PKHD1L1: variants seen among roughly 807,000 people sequenced by gnomAD.
PKHD1L1 encodes the protein PKHD1 like 1, also known as fibrocystin-L.
Under a neutral mutation model 462.9 loss-of-function variants are expected in PKHD1L1, and 434 were observed. The observed-to-expected ratio is 0.94, with a 90% CI of 0.87 to 1.02. The LOEUF (loss-of-function observed/expected upper bound fraction) is 1.02. Ranked by LOEUF, PKHD1L1 falls within the 50% of genes least tolerant of loss-of-function variation. The pLI is 0.00. For synonymous variants in PKHD1L1, 1,781 were observed against 1,750.0 expected, an observed-to-expected ratio of 1.02 and a Z score of -0.44; for missense variants, 5,202 against 5,096.1, an observed-to-expected ratio of 1.02 and a Z score of -0.63.
chr8:109,385,864 G>A (rs1189911843), intron 6 of PKHD1L1, among the ~76,000 whole-genome samples: 5 of 152,090 alleles, frequency 3.3e-5, no homozygotes, highest in Admixed American at 2.6e-4. Flanking sequence ...ATTGTTTTGT[G>A]ATGGATTTAT....
In PKHD1L1 at chr8:109,464,570, A is replaced by C; in HGVS notation, c.7738A>C (p.Thr2580Pro). 6.2e-7 allele frequency: 1 copy of C among 1,613,430 alleles called. No individual in the cohort carries two copies. The highest frequency in any genetic ancestry group is 2.2e-5 in the East Asian group (1 of 44,864). ...TIRHNAVAGG[T>P]HFGFWYRMNN... ...ACGACACAATGCTGTTGCTGGTGGC[A>C]CTCACTTTGGCTTTTGGTACCGGAT... Residue 2580 changes from threonine (T) to proline (P), a missense_variant, in exon 49 of 78, where the codon ACT becomes CCT. Transcript: ENST00000378402.
intron 69 of PKHD1L1, 58 bp from the exon 70 acceptor site, chr8:109,508,039 G>T (rs1266240905): frequency 2.0e-6 from 3 of 1,518,734 alleles, no homozygotes; most frequent in South Asian, 1.3e-5. Context: ...ATGTTATAAG[G>T]ATTTTTTTGC....
At chr8:109,420,450 T>C in intron 22 of PKHD1L1, 68 bp from the exon 23 acceptor site, 3 of 1,039,208 alleles carry the variant, frequency 2.9e-6, no homozygotes, top group African/African-American at 1.7e-5. Context: ...CTCTATTAGG[T>C]TAATTTTACA....
intron 68 of PKHD1L1, among the ~76,000 whole-genome samples, chr8:109,504,843 C>T (rs1214524858): frequency 2.6e-5 from 4 of 152,092 alleles, no homozygotes; most frequent in Non-Finnish European, 5.9e-5. Flanking sequence ...GTTCTAGCTA[C>T]TCAGGAGGTT....
chr8:109,387,782 T>C (rs1812511491), intron 6 of PKHD1L1, among the ~76,000 whole-genome samples: 1 of 152,200 alleles, frequency 6.6e-6, no homozygotes, highest in Non-Finnish European at 1.5e-5. Context: ...TTTTTTATAG[T>C]TCAAGTTTGT....
chr8:109,452,615 TA>T, intron 42 of PKHD1L1, 102 bp from the exon 43 acceptor site: 5 of 553,584 alleles, frequency 9.0e-6, no homozygotes, highest in Non-Finnish European at 1.3e-5. Flanking sequence ...ATTTACTATA[TA>T]ATATAAATAT....
intron 6 of PKHD1L1, among the ~76,000 whole-genome samples, chr8:109,388,231 T>C (rs1554629226): frequency 6.6e-6 from 1 of 152,184 alleles, no homozygotes; most frequent in Non-Finnish European, 1.5e-5. Context: ...TATCATGTTT[T>C]ATTCATCTTT....
intron 62 of PKHD1L1, among the ~76,000 whole-genome samples, chr8:109,493,254 A>G (rs2130926526): frequency 6.7e-6 from 1 of 148,980 alleles, no homozygotes; most frequent in East Asian, 1.9e-4. Flanking sequence ...ATATATAAAT[A>G]TAATACATAA....
At chr8:109,398,054 T>G (rs1203918111) in intron 11 of PKHD1L1, among the ~76,000 whole-genome samples, 4 of 152,182 alleles carry the variant, frequency 2.6e-5, no homozygotes, top group African/African-American at 9.7e-5. Context: ...GCCAGCACTT[T>G]TTTCTACTGA....
intron 11 of PKHD1L1, 32 bp from the exon 12 acceptor site, chr8:109,398,427 T>C: frequency 7.8e-7 from 1 of 1,281,228 alleles, no homozygotes; most frequent in Non-Finnish European, 1.1e-6. Flanking sequence ...GAAGTTTCAG[T>C]AGTAACGGTT....
At chr8:109,482,661 A>G (rs1466706121) in intron 56 of PKHD1L1, among the ~76,000 whole-genome samples, 2 of 121,206 alleles carry the variant, frequency 1.7e-5, no homozygotes, top group Non-Finnish European at 3.5e-5. Context: ...ATTTTACAGT[A>G]TTAGTAAACT....
At position 109,452,223 on chromosome 8, in the gene PKHD1L1, T is replaced by A; in HGVS notation, c.6450T>A (p.Thr2150=). 1 of 1,612,600 alleles carries A rather than the reference T, an allele frequency of 6.2e-7. No individual in the cohort carries two copies. Among genetic ancestry groups the A allele is most frequent in the Non-Finnish European group, 8.5e-7 (1 of 1,179,240 alleles). The part of the protein sequence containing the change: ...THIICMTDAH[T]LSGWAPVCVH... Reference sequence around the variant, plus strand: ...TCATCTGCATGACAGATGCCCATACTCTATCAGGGTGGGCTCCAGTTTGTG... The same window carrying A: ...TCATCTGCATGACAGATGCCCATACACTATCAGGGTGGGCTCCAGTTTGTG... Residue 2150 remains threonine, a synonymous_variant, in exon 42 of 78, where the codon ACT becomes ACA. Coordinates refer to ENST00000378402, the MANE Select transcript of PKHD1L1 (RefSeq NM_177531.6).
Position 109,384,141 on chromosome 8 carries a change from C to T in PKHD1L1, c.475+14C>T. 6.3e-7 allele frequency: 1 copy of T among 1,585,072 alleles called. No homozygotes were observed. The highest frequency in any genetic ancestry group is 8.6e-7 in the Non-Finnish European group (1 of 1,156,900). ...CTGGAACTCCAGGTCTGTTATATGA[C>T]ATCTGAAATAACTTTTGGTTTCATG... On this transcript the variant is annotated intron_variant, in intron 5 of 77. Coordinates refer to ENST00000378402, the MANE Select transcript of PKHD1L1 (RefSeq NM_177531.6).
At chr8:109,364,748 C>A in intron 2 of PKHD1L1, 112 bp downstream of exon 2, 1 of 692,584 alleles carries the variant, frequency 1.4e-6, no homozygotes. Context: ...GGAGTTATTT[C>A]TTCACTTGGC....
chr8:109,452,340 G>C, intron 42 of PKHD1L1, 60 bp downstream of exon 42: 1 of 1,371,258 alleles, frequency 7.3e-7, no homozygotes, highest in Non-Finnish European at 9.6e-7. Flanking sequence ...ATGGGAGGTG[G>C]GCTAATTGGT....
intron 27 of PKHD1L1, 30 bp from the exon 28 acceptor site, chr8:109,433,076 A>T (rs757540010): frequency 2.8e-6 from 4 of 1,439,856 alleles, no homozygotes; most frequent in Non-Finnish European, 2.9e-6. Flanking sequence ...TTCTAACTTT[A>T]ATATTGTTAT....
intron 71 of PKHD1L1, 61 bp from the exon 72 acceptor site, chr8:109,515,109 A>T: frequency 1.6e-6 from 2 of 1,289,680 alleles, no homozygotes; most frequent in South Asian, 1.6e-5. Flanking sequence ...AGGACGGTTT[A>T]AGTGCTAAAT....
intron 5 of PKHD1L1, 32 bp downstream of exon 5, chr8:109,384,159 G>T: frequency 1.4e-6 from 2 of 1,479,338 alleles, no homozygotes; most frequent in Non-Finnish European, 1.9e-6. Context: ...ATAACTTTTG[G>T]TTTCATGGTA....
Position 109,384,066 on chromosome 8 carries a change from A to T in PKHD1L1, c.418-4A>T. The T allele has an allele frequency of 6.3e-7, 1 of 1,598,406 alleles. No homozygotes were observed. The highest frequency in any genetic ancestry group is 8.6e-7 in the Non-Finnish European group (1 of 1,166,270). On this transcript the variant is annotated splice_polypyrimidine_tract_variant and splice_region_variant and intron_variant, in intron 4 of 77. Transcript: ENST00000378402. ...TTTTCATATTGACATTATTCTTTTT[A>T]CAGGCAAAAAGTTTTAGAACCCCAA...
Sources: gnomAD v4.1 joint callset for allele counts (sites outside exome capture counted in the v4.1 genomes callset) on GRCh38, gnomAD v4.1.1 for gene constraint, MANE v1.5 for transcripts, NCBI Gene and HGNC (gene_info 2026-07-23, HGNC 2026-07-21) for gene names.